FOXP4: variants seen among roughly 807,000 people sequenced by gnomAD.
FOXP4 encodes forkhead box P4.
Under a neutral mutation model 82.6 loss-of-function variants are expected in FOXP4, and 25 were observed. The observed-to-expected ratio is 0.30, with a 90% CI of 0.22 to 0.42. FOXP4 has a LOEUF of 0.42. Ranked by LOEUF, FOXP4 falls within the 10% of genes least tolerant of loss-of-function variation. The pLI is 1.00. For synonymous variants in FOXP4, 415 were observed against 388.2 expected (o/e 1.07, Z -0.81); for missense variants, 785 against 900.9 (o/e 0.87, Z 1.65).
intron 5 of FOXP4, among the ~76,000 whole-genome samples, chr6:41,586,293 C>T (rs771154830): frequency 3.3e-5 from 5 of 152,120 alleles, no homozygotes; most frequent in Non-Finnish European, 4.4e-5. Flanking sequence ...ATGCTTCCCA[C>T]CCCCAGCAGG....
In FOXP4 at chr6:41,587,853, GC is replaced by G; in HGVS notation, c.935del (p.Pro312GlnfsTer55). ...PLYGHGECKW[P>X]GCETLCEDLG... is the part of the protein sequence containing the mutation. ...TGTACGGACACGGAGAGTGCAAGTG[GC>G]CAGGCTGTGAGACCCTGTGTGAAGA... On this transcript the variant is annotated frameshift_variant, in exon 8 of 17. Transcript: ENST00000307972. LOFTEE classifies it high-confidence loss of function. 6.4e-7 allele frequency: 1 copy of G among 1,570,622 alleles called. No homozygotes were observed. The highest frequency in any genetic ancestry group is 8.6e-7 in the Non-Finnish European group (1 of 1,156,332).
chr6:41,554,838 C>T (rs995437481), intron 1 of FOXP4, among the ~76,000 whole-genome samples: 4 of 151,056 alleles, frequency 2.6e-5, no homozygotes, highest in Admixed American at 6.6e-5. Flanking sequence ...CTAGCCTGGG[C>T]GACAGAATGA....
intron 1 of FOXP4, among the ~76,000 whole-genome samples, chr6:41,550,713 G>T (rs1763949664): frequency 6.6e-6 from 1 of 152,200 alleles, no homozygotes; most frequent in Non-Finnish European, 1.5e-5. Context: ...GTGGAGAGGG[G>T]GACTGTAGGT....
chr6:41,552,687 A>G (rs1290798040), intron 1 of FOXP4, among the ~76,000 whole-genome samples: 2 of 152,170 alleles, frequency 1.3e-5, no homozygotes, highest in Admixed American at 1.3e-4. Flanking sequence ...ACGCAGAGAA[A>G]AGAACTGCAG....
chr6:41,594,983 G>A lies in FOXP4; in HGVS notation c.1650G>A (p.Lys550=), dbSNP rs1322924986. Residue 550 remains lysine (K), a synonymous_variant, in exon 14 of 17, where the codon AAG becomes AAA. Transcript: ENST00000307972. ...EREYQKRRPP[K]MTGSPTLVKN... is the part of the protein sequence containing the mutation. The stretch of plus-strand genomic sequence containing the variant: ...AGTATCAGAAGCGGAGACCGCCAAA[G>A]ATGACAGGGTATGTGGGTCCAGAGC... 1.1e-5 allele frequency: 17 copies of A among 1,614,124 alleles called. No homozygotes were observed. Among genetic ancestry groups the A allele is most frequent in the Non-Finnish European group, 1.4e-5 (16 of 1,180,022 alleles).
intron 3 of FOXP4, among the ~76,000 whole-genome samples, chr6:41,579,207 A>T (rs932862867): frequency 2.6e-5 from 4 of 152,034 alleles, no homozygotes; most frequent in Admixed American, 6.6e-5. Context: ...TAAGGAGACA[A>T]CCCTCAAAGG....
intron 3 of FOXP4, among the ~76,000 whole-genome samples, chr6:41,579,048 G>A (rs1388358869): frequency 6.6e-6 from 1 of 152,130 alleles, no homozygotes; most frequent in Non-Finnish European, 1.5e-5. Context: ...GCTCAGAGAA[G>A]GACCCAGGAC....
At chr6:41,586,115 A>G (rs978209600) in intron 5 of FOXP4, among the ~76,000 whole-genome samples, 2 of 152,014 alleles carry the variant, frequency 1.3e-5, no homozygotes, top group South Asian at 2.1e-4. Context: ...CGCAGCCCCA[A>G]GCTCTAAGTT....
intron 1 of FOXP4, among the ~76,000 whole-genome samples, chr6:41,562,539 C>T (rs1170269164): frequency 3.3e-5 from 5 of 152,150 alleles, no homozygotes; most frequent in African/African-American, 1.2e-4. Flanking sequence ...GCATCCTCCT[C>T]CTTCCTTCTT....
chr6:41,599,185 A>G lies in FOXP4; in HGVS notation c.*249A>G. On this transcript the variant is annotated 3_prime_UTR_variant, in exon 17 of 17. Transcript: ENST00000307972. ...ACACGGAGGGTTCAGACCCCTCCTC[A>G]GACCCTCCCCACATCTGAAACTGCC... The G allele has an allele frequency of 2.6e-6, 1 of 382,314 alleles. No individual in the cohort carries two copies. Among genetic ancestry groups the G allele is most frequent in the Non-Finnish European group, 4.7e-6 (1 of 214,760 alleles). 23.7% of individuals were successfully genotyped at this position (382,314 alleles called of 1,614,324 possible).
intron 1 of FOXP4, among the ~76,000 whole-genome samples, chr6:41,563,769 G>A (rs998519297): frequency 6.6e-6 from 1 of 152,146 alleles, no homozygotes; most frequent in Non-Finnish European, 1.5e-5. Flanking sequence ...AATATACTTG[G>A]CTCTCTTTAT....
intron 13 of FOXP4, among the ~76,000 whole-genome samples, chr6:41,594,325 C>G (rs886633688): frequency 6.6e-6 from 1 of 152,150 alleles, no homozygotes; most frequent in Non-Finnish European, 1.5e-5. Context: ...ATATAAGCTG[C>G]CTGTTCTGAG....
chr6:41,588,650 C>G lies in FOXP4; in HGVS notation c.984C>G (p.Leu328=), dbSNP rs1310033833. The G allele has an allele frequency of 6.2e-7, 1 of 1,613,992 alleles. No individual in the cohort carries two copies. Among genetic ancestry groups the G allele is most frequent in the Non-Finnish European group, 8.5e-7 (1 of 1,180,034 alleles). The change falls in exon 9 of 17, where the codon CTC becomes CTG. Residue 328 remains leucine (L), a synonymous_variant. Transcript: ENST00000307972. ...CEDLGQFIKH[L]NTEHALDDRS... Reference sequence around the variant, plus strand: ...TCCTCTCTTCCCCTTGAAGACACCTCAACACAGAGCACGCCCTGGATGACC... The same window carrying G: ...TCCTCTCTTCCCCTTGAAGACACCTGAACACAGAGCACGCCCTGGATGACC...
intron 1 of FOXP4, among the ~76,000 whole-genome samples, chr6:41,564,704 A>G (rs1390407561): frequency 1.3e-5 from 2 of 152,164 alleles, no homozygotes; most frequent in Admixed American, 6.5e-5. Flanking sequence ...CACAGTTCTC[A>G]TGAGGAGAAA....
intron 13 of FOXP4, among the ~76,000 whole-genome samples, chr6:41,594,033 T>G (rs1766674034): frequency 6.6e-6 from 1 of 151,992 alleles, no homozygotes; most frequent in Non-Finnish European, 1.5e-5. Context: ...GGGACAGGAC[T>G]GAGGGACACG....
At chr6:41,597,636 TG>T in intron 15 of FOXP4, 144 bp from the exon 16 acceptor site, 1 of 1,020,368 alleles carries the variant, frequency 9.8e-7, no homozygotes, top group Non-Finnish European at 1.4e-6. Flanking sequence ...AGTTGGGGCT[TG>T]GGGGTTGCCC....
chr6:41,596,692 G>A (rs1766855992), intron 14 of FOXP4, among the ~76,000 whole-genome samples: 1 of 152,048 alleles, frequency 6.6e-6, no homozygotes, highest in African/African-American at 2.4e-5. Context: ...CTGTATGGAG[G>A]CTTCCATACA....
chr6:41,585,264 C>T (rs532597291), intron 4 of FOXP4, among the ~76,000 whole-genome samples, 167 bp from the exon 5 acceptor site: 2 of 152,268 alleles, frequency 1.3e-5, no homozygotes, highest in South Asian at 4.1e-4. Flanking sequence ...TTGCTCCCTC[C>T]CTCCGCACCC....
In FOXP4 at chr6:41,586,994, C is replaced by T. The variant is rs746627980; in HGVS notation, c.511-15C>T. On this transcript the variant is annotated splice_polypyrimidine_tract_variant and intron_variant, in intron 5 of 16. Coordinates refer to ENST00000307972, the MANE Select transcript of FOXP4 (RefSeq NM_001012426.2). ...TGGCACCCCTCTCTGCCCGCCCCCT[C>T]GGGCCCCTCACCAGGCACTGGGGAA... 4.5e-6 allele frequency: 7 copies of T among 1,566,438 alleles called. No homozygotes were observed. Among genetic ancestry groups the T allele is most frequent in the Non-Finnish European group, 5.2e-6 (6 of 1,150,810 alleles).
Sources: gnomAD v4.1 joint callset for allele counts (sites outside exome capture counted in the v4.1 genomes callset) on GRCh38, gnomAD v4.1.1 for gene constraint, MANE v1.5 for transcripts, NCBI Gene and HGNC (gene_info 2026-07-23, HGNC 2026-07-21) for gene names.